PCSK6: variants seen among roughly 807,000 people sequenced by gnomAD.
PCSK6 encodes the protein paired basic amino acid cleaving enzyme 4.
Under a neutral mutation model 123.3 loss-of-function variants are expected in PCSK6, and 85 were observed. The observed-to-expected ratio is 0.69, with a 90% CI of 0.58 to 0.83. The LOEUF (loss-of-function observed/expected upper bound fraction) is 0.83, where lower values mean the gene tolerates loss of function less well. PCSK6 is among the 40% of genes least tolerant of loss of function. PCSK6 has a pLI of 0.00. For missense variants in PCSK6, 1,191 were observed against 1,282.3 expected (o/e 0.93, Z 1.09); for synonymous variants, 508 against 516.0 (o/e 0.98, Z 0.21).
At chr15:101,455,944 C>T (rs2057167042) in intron 1 of PCSK6, among the ~76,000 whole-genome samples, 1 of 149,900 alleles carries the variant, frequency 6.7e-6, no homozygotes, top group Admixed American at 6.7e-5. Context: ...ATTTCTCCGG[C>T]AAGCTGTATG....
chr15:101,389,362 C>A, intron 9 of PCSK6, 102 bp downstream of exon 9: 1 of 879,878 alleles, frequency 1.1e-6, no homozygotes, highest in Non-Finnish European at 1.9e-6. Context: ...CTTAATGCCG[C>A]TGAGCTGTCC....
At chr15:101,441,541 G>A (rs142723917) in intron 2 of PCSK6, among the ~76,000 whole-genome samples, 261 of 152,214 alleles carry the variant, frequency 1.7e-3, no homozygotes, top group African/African-American at 5.8e-3. Flanking sequence ...ATGAGCAGTC[G>A]ACCTGAGTAC....
chr15:101,320,046 G>C (rs1481624569), intron 18 of PCSK6, among the ~76,000 whole-genome samples: 1 of 151,668 alleles, frequency 6.6e-6, no homozygotes, highest in Non-Finnish European at 1.5e-5. Flanking sequence ...TGTAGGATCT[G>C]ACACATCTAG....
intron 11 of PCSK6, among the ~76,000 whole-genome samples, chr15:101,377,067 G>C (rs913154320): frequency 6.6e-6 from 1 of 152,264 alleles, no homozygotes; most frequent in Non-Finnish European, 1.5e-5. Flanking sequence ...GTCACATCAG[G>C]CTGTGTGCTT....
chr15:101,475,693 C>T (rs1362542592), intron 1 of PCSK6, among the ~76,000 whole-genome samples: 3 of 136,862 alleles, frequency 2.2e-5, no homozygotes, highest in Non-Finnish European at 4.6e-5. Flanking sequence ...AACTTGCCAT[C>T]TTGCCCAGGC....
chr15:101,333,489 T>C (rs993589302), intron 13 of PCSK6, among the ~76,000 whole-genome samples: 3 of 152,100 alleles, frequency 2.0e-5, no homozygotes, highest in African/African-American at 7.2e-5. Context: ...TGCCATGGGG[T>C]TTCTTGGCAA....
chr15:101,364,899 C>A lies in PCSK6; in HGVS notation c.1858+1297G>T, dbSNP rs772278149. ...TTGGAGGACTCGCACTTTCTTATTT[C>A]AAAACTTACTACAAAGCTACAGTGA... On this transcript the variant is annotated intron_variant, in intron 13 of 21. Coordinates refer to ENST00000611716, the MANE Select transcript of PCSK6 (RefSeq NM_002570.5). The A allele has an allele frequency of 1.1e-4, 72 of 635,280 alleles. 1 individual carries two copies. The highest frequency in any genetic ancestry group is 5.1e-5 in the Non-Finnish European group (17 of 332,568). 39.4% of individuals were successfully genotyped at this position (635,280 alleles called of 1,614,324 possible).
intron 11 of PCSK6, among the ~76,000 whole-genome samples, chr15:101,380,132 T>G (rs959390888): frequency 2.6e-5 from 4 of 152,184 alleles, no homozygotes; most frequent in Non-Finnish European, 4.4e-5. Flanking sequence ...GGTCCTTACT[T>G]TCCTCAAAGG....
chr15:101,370,565 T>G, intron 11 of PCSK6, 42 bp from the exon 12 acceptor site: 1 of 1,402,566 alleles, frequency 7.1e-7, no homozygotes, highest in Non-Finnish European at 9.3e-7. Flanking sequence ...ACCGGAAGCA[T>G]GAAGTCTCAC....
rs144738036 is a variant in PCSK6 at position 101,332,272 on chromosome 15, G to A, written c.1859-241C>T. Among the ~76,000 whole-genome samples the A allele has an allele frequency of 1.9e-3, 282 of 152,268 alleles. 1 individual carries two copies. Among genetic ancestry groups the A allele is most frequent in the African/African-American group, 6.2e-3 (259 of 41,550 alleles). On this transcript the variant is annotated intron_variant, in intron 13 of 21. Coordinates refer to ENST00000611716, the MANE Select transcript of PCSK6 (RefSeq NM_002570.5). ...TTCCTGTTCTATCGAGCTGCCCTCCGCTTCCTGTCCCTGCTGGGATGGAGG... is the reference window on the plus strand; with the variant it reads ...TTCCTGTTCTATCGAGCTGCCCTCCACTTCCTGTCCCTGCTGGGATGGAGG...
At chr15:101,449,628 C>T (rs1168186549) in intron 1 of PCSK6, among the ~76,000 whole-genome samples, 1 of 152,220 alleles carries the variant, frequency 6.6e-6, no homozygotes, top group Non-Finnish European at 1.5e-5. Flanking sequence ...TCAGCTTCAC[C>T]TGAGTAGCTT....
At position 101,398,442 on chromosome 15, in the gene PCSK6, G is replaced by A. The variant is rs764633002; in HGVS notation, c.958C>T (p.Arg320Ter). 16 of 1,613,314 alleles carry A rather than the reference G, an allele frequency of 9.9e-6. No individual in the cohort carries two copies. The highest frequency in any genetic ancestry group is 8.0e-5 in the African/African-American group (6 of 74,894). The change falls in exon 7 of 22, where the codon CGA becomes TGA. Residue 320 changes from arginine to a stop codon, truncating the protein, a stop_gained. Transcript: ENST00000611716. LOFTEE classifies it high-confidence loss of function. The surrounding 1 kb of genome is among the most constrained non-coding windows in gnomAD (Gnocchi z 4.6). ...TACTCGAAAGCCTGCTTAGCCAGTC[G>A]GCCGGGCCCGTCCACCGTCTTGCCG... ...DDGKTVDGPG[R>*]LAKQAFEYGI...
chr15:101,324,606 C>A (rs1021181698), intron 17 of PCSK6, among the ~76,000 whole-genome samples: 7 of 152,198 alleles, frequency 4.6e-5, no homozygotes, highest in African/African-American at 1.4e-4. Flanking sequence ...CCCTGGACAG[C>A]CAGGATGTCT....
intron 1 of PCSK6, among the ~76,000 whole-genome samples, chr15:101,472,232 G>A (rs906470204): frequency 6.6e-6 from 1 of 152,236 alleles, no homozygotes; most frequent in Non-Finnish European, 1.5e-5. Context: ...GCAGTCAGCA[G>A]GTCGTCTTCT....
intron 9 of PCSK6, among the ~76,000 whole-genome samples, chr15:101,389,205 G>A (rs1175461713): frequency 2.6e-5 from 4 of 152,192 alleles, no homozygotes; most frequent in African/African-American, 9.7e-5. Flanking sequence ...TGTTGTTTGA[G>A]CTGCCCAGTC....
At chr15:101,362,026 A>G (rs1319026738) in intron 13 of PCSK6, among the ~76,000 whole-genome samples, 4 of 134,484 alleles carry the variant, frequency 3.0e-5, no homozygotes, top group East Asian at 2.1e-4. Context: ...GCGCAATCTC[A>G]GCTCACTGCA....
At position 101,370,463 on chromosome 15, in the gene PCSK6, G is replaced by A. The variant is rs1215471687; in HGVS notation, c.1593C>T (p.His531=). The part of the protein sequence containing the change: ...TTALTSACAE[H]SDQRVVYLEH... ...CCAAGTAGACCACCCGCTGGTCCGA[G>A]TGCTCCGCGCAGGCGCTGGTCAGGG... Residue 531 remains histidine (H), a synonymous_variant, in exon 12 of 22, where the codon CAC becomes CAT. Transcript: ENST00000611716. The A allele has an allele frequency of 6.4e-7, 1 of 1,550,458 alleles. No homozygotes were observed. Among genetic ancestry groups the A allele is most frequent in the Non-Finnish European group, 8.7e-7 (1 of 1,146,236 alleles).
At chr15:101,468,211 G>A (rs1344755881) in intron 1 of PCSK6, among the ~76,000 whole-genome samples, 1 of 152,150 alleles carries the variant, frequency 6.6e-6, no homozygotes, top group Non-Finnish European at 1.5e-5. Context: ...TGGGTTAGCA[G>A]TAAGTAGTAA....
In PCSK6 at chr15:101,446,913, C is replaced by CCTGCCCT. The variant is rs532406124; in HGVS notation, c.298-3260_298-3254dup. Among the ~76,000 whole-genome samples the CCTGCCCT allele has an allele frequency of 1.8e-4, 28 of 152,280 alleles. No individual in the cohort carries two copies. The South Asian group carries it at 5.2e-3, about 28-fold the overall frequency. On this transcript the variant is annotated intron_variant, in intron 1 of 21. Transcript: ENST00000611716. Reference sequence around the variant, plus strand: ...CGTCCTTCTGTCTGACTCATGTGGTCCTGCCCTCTGCCCTCCCTTTGCAAC... The same window carrying CCTGCCCT: ...CGTCCTTCTGTCTGACTCATGTGGTCCTGCCCTCTGCCCTCTGCCCTCCCTTTGCAAC...
Sources: allele counts gnomAD v4.1 joint callset (sites outside exome capture counted in the v4.1 genomes callset), GRCh38; gene constraint gnomAD v4.1.1; non-coding constraint Gnocchi (gnomAD v3.1); transcripts MANE v1.5; gene names NCBI Gene and HGNC (gene_info 2026-07-23, HGNC 2026-07-21).